FER: variants seen among roughly 807,000 people sequenced by gnomAD.
FER encodes the protein FER tyrosine kinase, also known as tyrosine-protein kinase Fer.
Under a neutral mutation model 111.0 loss-of-function variants are expected in FER, and 63 were observed. That is an observed-to-expected ratio of 0.57 (90% CI 0.46 to 0.70). The LOEUF is 0.70. FER is among the 30% of genes least tolerant of loss of function. The pLI, the probability that FER is intolerant of heterozygous loss-of-function variation, is 0.00. For synonymous variants in FER, 327 were observed against 313.9 expected (o/e 1.04, Z -0.44); for missense variants, 914 against 954.0 (o/e 0.96, Z 0.55).
At chr5:108,959,087 A>G (rs1758809115) in intron 12 of FER, 138 bp from the exon 13 acceptor site, 4 of 596,672 alleles carry the variant, frequency 6.7e-6, no homozygotes, top group Non-Finnish European at 7.7e-6. Context: ...TTTTAAGGGT[A>G]TAGTTCAGTA....
At chr5:108,838,993 T>G (rs1760952629) in intron 5 of FER, among the ~76,000 whole-genome samples, 1 of 152,138 alleles carries the variant, frequency 6.6e-6, no homozygotes, top group South Asian at 2.1e-4. Flanking sequence ...GTTAATAACT[T>G]GGAGGTGTTT....
chr5:108,938,610 T>C (rs1275775330), intron 10 of FER, among the ~76,000 whole-genome samples: 1 of 151,886 alleles, frequency 6.6e-6, no homozygotes, highest in Non-Finnish European at 1.5e-5. Flanking sequence ...GGCAAGAGTA[T>C]CATTGAAAAT....
intron 17 of FER, among the ~76,000 whole-genome samples, chr5:109,111,329 A>G (rs560263298): frequency 1.3e-5 from 2 of 152,274 alleles, no homozygotes; most frequent in East Asian, 1.9e-4. Flanking sequence ...AATGTTATCT[A>G]TAGAACTAAG....
chr5:108,767,416 T>C (rs1346683098), intron 1 of FER, among the ~76,000 whole-genome samples: 1 of 152,224 alleles, frequency 6.6e-6, no homozygotes, highest in Non-Finnish European at 1.5e-5. Context: ...TTTTCTTATG[T>C]ACTTAATTAC....
At chr5:108,957,378 A>C (rs1269295342) in intron 12 of FER, among the ~76,000 whole-genome samples, 1 of 151,638 alleles carries the variant, frequency 6.6e-6, no homozygotes, top group Non-Finnish European at 1.5e-5. Flanking sequence ...TCATCAGAGA[A>C]GTACAAATCA....
chr5:108,804,208 C>T (rs185245057), intron 3 of FER, among the ~76,000 whole-genome samples: 3 of 152,032 alleles, frequency 2.0e-5, no homozygotes, highest in South Asian at 2.1e-4. Context: ...TTACTGAAGT[C>T]GTTTATCAGT....
chr5:109,129,322 C>G (rs1369782648), intron 17 of FER, among the ~76,000 whole-genome samples: 1 of 151,942 alleles, frequency 6.6e-6, no homozygotes. Flanking sequence ...TTTCGTGTCA[C>G]AAACATACAT....
intron 13 of FER, among the ~76,000 whole-genome samples, chr5:108,979,418 A>G (rs1054760194): frequency 6.6e-6 from 1 of 152,222 alleles, no homozygotes; most frequent in African/African-American, 2.4e-5. Flanking sequence ...ACTCCAAAAT[A>G]AAGAAATTAA....
intron 17 of FER, among the ~76,000 whole-genome samples, chr5:109,150,106 C>T (rs1010468386): frequency 5.3e-5 from 8 of 152,114 alleles, no homozygotes; most frequent in African/African-American, 9.7e-5. Flanking sequence ...TGTGGAAAAA[C>T]TGCCTTCCAC....
chr5:109,051,308 G>C, intron 16 of FER: 2 of 1,545,608 alleles, frequency 1.3e-6, no homozygotes, highest in South Asian at 2.2e-5. Context: ...TTTCAAGCCT[G>C]TATCTAGATC....
At chr5:109,111,535 A>T (rs1204052911) in intron 17 of FER, among the ~76,000 whole-genome samples, 3 of 152,042 alleles carry the variant, frequency 2.0e-5, no homozygotes, top group African/African-American at 7.2e-5. Flanking sequence ...CCTTATAATA[A>T]AAAATTCTGC....
chr5:109,065,444 G>T (rs1450191737), intron 16 of FER, among the ~76,000 whole-genome samples: 4 of 152,148 alleles, frequency 2.6e-5, no homozygotes, highest in Non-Finnish European at 5.9e-5. Context: ...TCTTTTATTT[G>T]TAAATTTTAT....
Position 108,867,837 on chromosome 5 carries a change from G to C in FER, c.552G>C (p.Gln184His). The C allele has an allele frequency of 1.2e-6, 2 of 1,612,604 alleles. No homozygotes were observed. The highest frequency in any genetic ancestry group is 1.7e-6 in the Non-Finnish European group (2 of 1,179,432). Residue 184 changes from glutamine (Q) to histidine (H), a missense_variant, in exon 6 of 20, where the codon CAG becomes CAC. By Grantham distance (24) the Gln-to-His change is conservative (BLOSUM62 0). This residue lies in a region of FER where 774 missense variants were observed against 782.6 expected (regional missense o/e 0.99). Coordinates refer to ENST00000281092, the MANE Select transcript of FER (RefSeq NM_005246.4). ...ATMKLHMLHN[Q>H]YVLALKGAQL... ...TGAAACTTCATATGTTGCACAATCA[G>C]TATGTATTGGCGTTGAAAGGGGCAC...
At chr5:109,080,110 A>G (rs1776823731) in intron 16 of FER, among the ~76,000 whole-genome samples, 1 of 152,052 alleles carries the variant, frequency 6.6e-6, no homozygotes, top group Non-Finnish European at 1.5e-5. Flanking sequence ...TATACATAGC[A>G]TTTTTCTATC....
At chr5:108,955,340 T>C (rs1758300952) in intron 12 of FER, among the ~76,000 whole-genome samples, 1 of 151,776 alleles carries the variant, frequency 6.6e-6, no homozygotes, top group East Asian at 1.9e-4. Flanking sequence ...GAAAGATTTT[T>C]AAGAAATATT....
At chr5:109,007,094 T>C (rs1418739601) in intron 13 of FER, among the ~76,000 whole-genome samples, 2 of 152,142 alleles carry the variant, frequency 1.3e-5, no homozygotes, top group Non-Finnish European at 2.9e-5. Flanking sequence ...ATTCAGAAAA[T>C]TGAGAAATTA....
chr5:108,831,648 T>C (rs1221069550), intron 3 of FER, among the ~76,000 whole-genome samples: 2 of 152,192 alleles, frequency 1.3e-5, no homozygotes, highest in East Asian at 3.8e-4. Context: ...AAACATACAA[T>C]GCAGTGTATC....
intron 16 of FER, among the ~76,000 whole-genome samples, chr5:109,054,263 T>C (rs1435283324): frequency 6.6e-6 from 1 of 152,222 alleles, no homozygotes; most frequent in South Asian, 2.1e-4. Context: ...CAGTCTATGA[T>C]AGTTTCAGTT....
chr5:108,956,560 T>G (rs1758454374), intron 12 of FER, among the ~76,000 whole-genome samples: 2 of 151,626 alleles, frequency 1.3e-5, no homozygotes, highest in African/African-American at 4.8e-5. Flanking sequence ...CAATATAATA[T>G]ATGCTAAAAA....
Sources: gnomAD v4.1 joint callset for allele counts (sites outside exome capture counted in the v4.1 genomes callset) on GRCh38, gnomAD v4.1.1 for gene constraint, gnomAD v4.1.1 regional missense constraint, MANE v1.5 for transcripts, NCBI Gene and HGNC (gene_info 2026-07-23, HGNC 2026-07-21) for gene names.